The following TOX3 variants were observed in gnomAD, a reference collection of about 807,000 sequenced individuals.
TOX3 encodes the protein CAG trinucleotide repeat-containing gene F9 protein.
Under a neutral mutation model 64.3 loss-of-function variants are expected in TOX3, and 22 were observed. The ratio of observed to expected loss-of-function variants is 0.34; its 90% confidence interval spans 0.24 to 0.49. TOX3 has a LOEUF of 0.49. Ranked by LOEUF, TOX3 falls within the 20% of genes least tolerant of loss-of-function variation. The pLI, the probability that TOX3 is intolerant of heterozygous loss-of-function variation, is 0.99. For synonymous variants in TOX3, 291 were observed against 273.6 expected (o/e 1.06, Z -0.63); for missense variants, 661 against 714.4 (o/e 0.93, Z 0.85).
intron 1 of TOX3, among the ~76,000 whole-genome samples, chr16:52,538,911 A>C (rs1963018989): frequency 6.6e-6 from 1 of 152,188 alleles, no homozygotes; most frequent in Non-Finnish European, 1.5e-5. Context: ...ACCTGTGAGA[A>C]GCTCATGCGG....
At chr16:52,485,995 C>T (rs150729164) in intron 1 of TOX3, among the ~76,000 whole-genome samples, 1 of 152,268 alleles carries the variant, frequency 6.6e-6, no homozygotes, top group African/African-American at 2.4e-5. Context: ...CAGCAGTGGG[C>T]CAAAGCACGG....
intron 1 of TOX3, among the ~76,000 whole-genome samples, chr16:52,544,182 C>T (rs936227828): frequency 6.6e-6 from 1 of 152,126 alleles, no homozygotes; most frequent in Non-Finnish European, 1.5e-5. Context: ...AAATGCATGT[C>T]TTTATATGCT....
chr16:52,516,621 T>C (rs572193590), intron 1 of TOX3, among the ~76,000 whole-genome samples: 6 of 152,350 alleles, frequency 3.9e-5, no homozygotes, highest in East Asian at 3.8e-4. Context: ...AAAAATCAGA[T>C]ATATGCTACC....
intron 1 of TOX3, among the ~76,000 whole-genome samples, chr16:52,525,084 G>A (rs886810429): frequency 6.6e-6 from 1 of 152,124 alleles, no homozygotes; most frequent in Non-Finnish European, 1.5e-5. Context: ...AAATTTGCAG[G>A]TCCTGACAAT....
intron 1 of TOX3, among the ~76,000 whole-genome samples, chr16:52,511,582 A>T (rs957653556): frequency 1.3e-5 from 2 of 152,162 alleles, no homozygotes; most frequent in Non-Finnish European, 2.9e-5. Flanking sequence ...CTAAAAATAG[A>T]TGGTGAAGTA....
intron 1 of TOX3, among the ~76,000 whole-genome samples, chr16:52,504,983 C>T (rs1480254728): frequency 2.6e-5 from 4 of 152,172 alleles, no homozygotes; most frequent in South Asian, 2.1e-4. Flanking sequence ...TTCAGGCCCG[C>T]GCCACCACGC....
chr16:52,447,406 C>A (rs1401543824), intron 4 of TOX3, among the ~76,000 whole-genome samples: 1 of 152,142 alleles, frequency 6.6e-6, no homozygotes, highest in African/African-American at 2.4e-5. Flanking sequence ...TCATTTGGAA[C>A]TTTCACTAAA....
chr16:52,515,772 C>T (rs1962437422), intron 1 of TOX3, among the ~76,000 whole-genome samples: 1 of 152,182 alleles, frequency 6.6e-6, no homozygotes, highest in Non-Finnish European at 1.5e-5. Flanking sequence ...TCTTTACTTC[C>T]TTTTTCCTTT....
intron 3 of TOX3, among the ~76,000 whole-genome samples, chr16:52,454,905 T>C (rs1185282116): frequency 6.6e-6 from 1 of 152,222 alleles, no homozygotes; most frequent in Non-Finnish European, 1.5e-5. Context: ...TCACAATTTT[T>C]CCCAGTAGTA....
At position 52,546,945 on chromosome 16, in the gene TOX3, G is replaced by C; in HGVS notation, c.-222C>G. The C allele has an allele frequency of 1.0e-6, 1 of 996,474 alleles. No individual in the cohort carries two copies. Among genetic ancestry groups the C allele is most frequent in the Non-Finnish European group, 1.2e-6 (1 of 838,756 alleles). 61.7% of individuals were successfully genotyped at this position (996,474 alleles called of 1,614,324 possible). ...GCCGCGGGAGAGCGGGAGGCGGCCG[G>C]GGGGACGCGCCCCGCCGGGGCACCG... On this transcript the variant is annotated 5_prime_UTR_variant, in exon 1 of 7. Coordinates refer to ENST00000219746, the MANE Select transcript of TOX3 (RefSeq NM_001080430.4).
intron 2 of TOX3, among the ~76,000 whole-genome samples, chr16:52,467,925 C>T (rs917699880): frequency 6.6e-6 from 1 of 152,168 alleles, no homozygotes; most frequent in Non-Finnish European, 1.5e-5. Flanking sequence ...TTGGAGCATG[C>T]CAGCCACTCA....
intron 1 of TOX3, among the ~76,000 whole-genome samples, chr16:52,473,007 T>C (rs898994958): frequency 6.6e-6 from 1 of 152,182 alleles, no homozygotes; most frequent in Non-Finnish European, 1.5e-5. Context: ...TGAGTAATTA[T>C]AGCTTGGGCA....
intron 2 of TOX3, among the ~76,000 whole-genome samples, chr16:52,466,331 ATCCTAGT>A (rs927310845): frequency 6.6e-6 from 1 of 152,200 alleles, no homozygotes; most frequent in African/African-American, 2.4e-5. Flanking sequence ...AACTCAGAGT[ATCCTAGT>A]TCCTGTAGTG....
At chr16:52,479,232 T>C (rs1248382824) in intron 1 of TOX3, among the ~76,000 whole-genome samples, 3 of 152,174 alleles carry the variant, frequency 2.0e-5, no homozygotes, top group Admixed American at 1.3e-4. Context: ...TAAAACTACT[T>C]GGGCAAAGGC....
At chr16:52,543,432 C>G (rs186763519) in intron 1 of TOX3, among the ~76,000 whole-genome samples, 48 of 152,198 alleles carry the variant, frequency 3.2e-4, no homozygotes, top group African/African-American at 1.0e-3. Context: ...ATTATATTTG[C>G]TAATTGATAT....
Position 52,519,348 on chromosome 16 carries a change from A to T in TOX3, c.87+27289T>A, listed in dbSNP as rs1339741912. 2.0e-6 allele frequency: 3 copies of T among 1,478,498 alleles called. No homozygotes were observed. In the African/African-American group the frequency reaches 4.2e-5, roughly 21 times the overall value. The allele number at this position is 1,478,498 out of a possible 1,614,324, so 91.6% of individuals were successfully genotyped here. ...TTCATCAGACAAACTGATAAAAGAC[A>T]CTATCTGGTTAGCCTGTCCAGATCC... is the stretch of plus-strand genomic sequence containing the variant. On this transcript the variant is annotated intron_variant, in intron 1 of 6. Coordinates refer to ENST00000219746, the MANE Select transcript of TOX3 (RefSeq NM_001080430.4).
Position 52,447,568 on chromosome 16 carries a change from A to T in TOX3, c.679-1347T>A, listed in dbSNP as rs532513199. 2.0e-5 allele frequency among the ~76,000 whole-genome samples: 3 copies of T among 152,332 alleles called. No homozygotes were observed. The East Asian group carries it at 5.8e-4, about 29-fold the overall frequency. On this transcript the variant is annotated intron_variant, in intron 4 of 6. Coordinates refer to ENST00000219746, the MANE Select transcript of TOX3 (RefSeq NM_001080430.4). Reference sequence around the variant, plus strand: ...TAAGTGATAACAGCATCCACACTTTATCTGAGTAGTTTACAAGCTTCAGAT... The same window carrying T: ...TAAGTGATAACAGCATCCACACTTTTTCTGAGTAGTTTACAAGCTTCAGAT...
At chr16:52,501,516 A>G (rs1961999785) in intron 1 of TOX3, among the ~76,000 whole-genome samples, 1 of 152,060 alleles carries the variant, frequency 6.6e-6, no homozygotes, top group African/African-American at 2.4e-5. Flanking sequence ...CTAAAAATAC[A>G]AAAATTAGCC....
intron 1 of TOX3, among the ~76,000 whole-genome samples, chr16:52,475,282 A>G (rs1248307851): frequency 6.6e-6 from 1 of 152,194 alleles, no homozygotes; most frequent in African/African-American, 2.4e-5. Flanking sequence ...TAGGTGTTCA[A>G]TAGGCACAAA....
Sources: allele counts gnomAD v4.1 joint callset (sites outside exome capture counted in the v4.1 genomes callset), GRCh38; gene constraint gnomAD v4.1.1; transcripts MANE v1.5; gene names NCBI Gene and HGNC (gene_info 2026-07-23, HGNC 2026-07-21).